The following ZZZ3 variants were observed in gnomAD, a reference collection of about 807,000 sequenced individuals.
ZZZ3 encodes the protein zinc finger ZZ-type containing 3.
Under a neutral mutation model 95.2 loss-of-function variants are expected in ZZZ3, and 22 were observed. The observed-to-expected ratio is 0.23, with a 90% CI of 0.17 to 0.33. ZZZ3 has a LOEUF of 0.33. Among genes scored for constraint, ZZZ3 ranks in the 10% least tolerant of loss-of-function variants. ZZZ3 has a pLI of 1.00. For synonymous variants in ZZZ3, 335 were observed against 358.9 expected, an observed-to-expected ratio of 0.93 and a Z score of 0.75; for missense variants, 885 against 1,066.5, an observed-to-expected ratio of 0.83 and a Z score of 2.37.
At chr1:77,594,507 A>G (rs1242901138) in intron 5 of ZZZ3, among the ~76,000 whole-genome samples, 6 of 152,134 alleles carry the variant, frequency 3.9e-5, no homozygotes, top group Non-Finnish European at 5.9e-5. Context: ...ATAAAAATGA[A>G]AACAGAAACT....
chr1:77,678,445 T>C (rs779172396), intron 1 of ZZZ3, among the ~76,000 whole-genome samples: 16 of 152,182 alleles, frequency 1.1e-4, no homozygotes, highest in Non-Finnish European at 1.8e-4. Context: ...AATGGTTACT[T>C]TTATAGCAAT....
At chr1:77,579,979 T>C (rs1209514361) in intron 9 of ZZZ3, 2 of 155,322 alleles carry the variant, frequency 1.3e-5, no homozygotes, top group African/African-American at 4.8e-5. Flanking sequence ...CAAGAAAAGA[T>C]GGTCAATCTT....
chr1:77,658,851 CAT>C (rs2101003371), intron 1 of ZZZ3, among the ~76,000 whole-genome samples: 1 of 152,276 alleles, frequency 6.6e-6, no homozygotes, highest in Admixed American at 6.5e-5. Flanking sequence ...TGGGTCACAG[CAT>C]ATAAATGTTT....
At chr1:77,652,867 T>A (rs1280902466) in intron 1 of ZZZ3, among the ~76,000 whole-genome samples, 1 of 152,188 alleles carries the variant, frequency 6.6e-6, no homozygotes, top group Non-Finnish European at 1.5e-5. Context: ...TTACATATTG[T>A]AAAATTCCCA....
intron 1 of ZZZ3, among the ~76,000 whole-genome samples, chr1:77,662,878 G>C (rs550687114): frequency 6.6e-6 from 1 of 152,184 alleles, no homozygotes; most frequent in Non-Finnish European, 1.5e-5. Context: ...GCCAAGGCAG[G>C]AGGATCCCTC....
chr1:77,593,943 A>G (rs535795367), intron 5 of ZZZ3, among the ~76,000 whole-genome samples: 19 of 152,262 alleles, frequency 1.2e-4, no homozygotes, highest in Admixed American at 1.2e-3. Context: ...GATAATTGCA[A>G]AAGCTTTTTT....
chr1:77,631,093 T>C (rs145273070), intron 5 of ZZZ3, among the ~76,000 whole-genome samples: 134 of 152,344 alleles, frequency 8.8e-4, no homozygotes, highest in African/African-American at 3.1e-3. Flanking sequence ...ATCTTTTGTG[T>C]TATGGCCCTG....
intron 12 of ZZZ3, among the ~76,000 whole-genome samples, chr1:77,573,047 C>G (rs761538281): frequency 6.6e-6 from 1 of 152,002 alleles, no homozygotes; most frequent in Non-Finnish European, 1.5e-5. Context: ...AGGTCTTCCA[C>G]TGAAACTCTC....
Position 77,639,436 on chromosome 1 carries a change from CTAAAT to C in ZZZ3, c.-52+8_-52+12del. Reference sequence around the variant, plus strand: ...TATAGCTGTCTTCACTACTGCAAAACTAAATAACTTACCTGTACAACCAAAGATCT... The same window carrying C: ...TATAGCTGTCTTCACTACTGCAAAACAACTTACCTGTACAACCAAAGATCT... On this transcript the variant is annotated splice_region_variant and intron_variant, in intron 4 of 14. Coordinates refer to ENST00000370801, the MANE Select transcript of ZZZ3 (RefSeq NM_015534.6). 6.6e-7 allele frequency: 1 copy of C among 1,508,452 alleles called. No homozygotes were observed. The highest frequency in any genetic ancestry group is 8.9e-7 in the Non-Finnish European group (1 of 1,128,710). 93.4% of individuals were successfully genotyped at this position (1,508,452 alleles called of 1,614,324 possible). A position where few individuals can be genotyped will look rare whatever the true frequency, so the allele number is the denominator to read the frequency against.
chr1:77,674,865 T>C (rs1487963733), intron 1 of ZZZ3, among the ~76,000 whole-genome samples: 2 of 151,078 alleles, frequency 1.3e-5, no homozygotes, highest in East Asian at 1.9e-4. Flanking sequence ...GTCAGGAGAA[T>C]TGCTTGAACC....
At chr1:77,682,057 A>C (rs1570695928) in intron 1 of ZZZ3, among the ~76,000 whole-genome samples, 1 of 152,302 alleles carries the variant, frequency 6.6e-6, no homozygotes, top group East Asian at 1.9e-4. Flanking sequence ...AAAATGATGA[A>C]AAGCAGGATT....
chr1:77,614,643 T>G (rs1225478257), intron 5 of ZZZ3, among the ~76,000 whole-genome samples: 1 of 152,168 alleles, frequency 6.6e-6, no homozygotes, highest in Non-Finnish European at 1.5e-5. Flanking sequence ...TATCACTTTT[T>G]TAAGCTTTGA....
At chr1:77,666,496 G>A (rs1671260875) in intron 1 of ZZZ3, among the ~76,000 whole-genome samples, 2 of 151,864 alleles carry the variant, frequency 1.3e-5, no homozygotes, top group Non-Finnish European at 2.9e-5. Context: ...TCGTGCCACT[G>A]CACTCCAGCC....
intron 5 of ZZZ3, among the ~76,000 whole-genome samples, chr1:77,631,077 C>T (rs1355080846): frequency 1.3e-5 from 2 of 152,160 alleles, no homozygotes; most frequent in Non-Finnish European, 2.9e-5. Context: ...ACATAGTAAG[C>T]TCCAAATCTT....
chr1:77,637,788 T>C (rs1002933211), intron 4 of ZZZ3, among the ~76,000 whole-genome samples: 3 of 152,246 alleles, frequency 2.0e-5, no homozygotes, highest in African/African-American at 7.2e-5. Context: ...AAAATGTTTC[T>C]TAAGAATACA....
At chr1:77,585,345 T>C (rs1662979348) in intron 5 of ZZZ3, among the ~76,000 whole-genome samples, 1 of 152,250 alleles carries the variant, frequency 6.6e-6, no homozygotes, top group Non-Finnish European at 1.5e-5. Context: ...CCCACACAAA[T>C]ATATTACATG....
intron 1 of ZZZ3, among the ~76,000 whole-genome samples, chr1:77,646,649 T>C (rs1406833160): frequency 1.3e-5 from 2 of 152,176 alleles, no homozygotes; most frequent in Non-Finnish European, 2.9e-5. Context: ...ATGAAACTTA[T>C]GCTCCCACCT....
chr1:77,642,498 C>CT (rs1311707590), intron 1 of ZZZ3, among the ~76,000 whole-genome samples: 1 of 151,952 alleles, frequency 6.6e-6, no homozygotes, highest in East Asian at 1.9e-4. Flanking sequence ...AATCTCAGCA[C>CT]TTTGGGAGGC....
At chr1:77,566,389 G>T (rs1163465799) in intron 13 of ZZZ3, among the ~76,000 whole-genome samples, 2 of 152,138 alleles carry the variant, frequency 1.3e-5, no homozygotes, top group African/African-American at 4.8e-5. Context: ...CAAGATATGG[G>T]TGAGTGAGAG....
Sources: allele counts gnomAD v4.1 joint callset (sites outside exome capture counted in the v4.1 genomes callset), GRCh38; gene constraint gnomAD v4.1.1; transcripts MANE v1.5; gene names NCBI Gene and HGNC (gene_info 2026-07-23, HGNC 2026-07-21).